The following RYR2 variants were observed in gnomAD, a reference collection of about 807,000 sequenced individuals.
The protein encoded by RYR2 is ryanodine receptor 2.
Under a neutral mutation model 601.1 loss-of-function variants are expected in RYR2, and 227 were observed. That is an observed-to-expected ratio of 0.38 (90% CI 0.34 to 0.42). RYR2 has a LOEUF of 0.42. RYR2 is among the 10% of genes least tolerant of loss of function. The probability of loss-of-function intolerance (pLI) is 1.00; values close to 1 mark genes in which losing one functional copy is unlikely to be tolerated. For synonymous variants in RYR2, 2,223 were observed against 2,175.1 expected (o/e 1.02, Z -0.61); for missense variants, 4,646 against 6,156.5 (o/e 0.75, Z 8.21).
rs1424437259 is a variant in RYR2, at chr1:237,733,765, G to A, written c.11091+9G>A. ...CAGATATTATGGCAAAGGTAAATAA[G>A]TATCCTTCCTGATTTTCATGTTTAA... On this transcript the variant is annotated intron_variant, in intron 79 of 104. Coordinates refer to ENST00000366574, the MANE Select transcript of RYR2 (RefSeq NM_001035.3). The A allele has an allele frequency of 1.9e-6, 3 of 1,562,416 alleles. No individual in the cohort carries two copies. The highest frequency in any genetic ancestry group is 1.4e-5 in the African/African-American group (1 of 73,946).
At chr1:237,599,677 G>C (rs1261315465) in intron 34 of RYR2, among the ~76,000 whole-genome samples, 1 of 151,902 alleles carries the variant, frequency 6.6e-6, no homozygotes, top group African/African-American at 2.4e-5. Context: ...AAAAAAATTA[G>C]CCGGGCATGG....
At position 237,634,886 on chromosome 1, in the gene RYR2, T is replaced by C; in HGVS notation, c.6689-3T>C. ...TATATTTCATCTTCATTTGAATTAA[T>C]AGCCTCCCCAGCTATGAGAGGTTCA... On this transcript the variant is annotated splice_region_variant and splice_polypyrimidine_tract_variant and intron_variant, in intron 43 of 104. Coordinates refer to ENST00000366574, the MANE Select transcript of RYR2 (RefSeq NM_001035.3). 1 of 1,599,060 alleles carries C rather than the reference T, an allele frequency of 6.3e-7. No individual in the cohort carries two copies. Among genetic ancestry groups the C allele is most frequent in the Non-Finnish European group, 8.5e-7 (1 of 1,171,932 alleles).
At chr1:237,705,403 A>G in intron 67 of RYR2, 60 bp downstream of exon 67, 1 of 1,387,346 alleles carries the variant, frequency 7.2e-7, no homozygotes. Context: ...TATTTATCAT[A>G]TTGTCCAATA....
intron 1 of RYR2, among the ~76,000 whole-genome samples, chr1:237,105,693 A>G (rs1280289925): frequency 6.6e-6 from 1 of 152,058 alleles, no homozygotes; most frequent in Non-Finnish European, 1.5e-5. Context: ...TTAGCCAGCA[A>G]TACAAAAATT....
intron 3 of RYR2, among the ~76,000 whole-genome samples, chr1:237,347,834 A>T (rs559427844): frequency 6.6e-6 from 1 of 152,314 alleles, no homozygotes; most frequent in South Asian, 2.1e-4. Flanking sequence ...TTTAATCAGA[A>T]TATATTAAAT....
chr1:237,745,640 A>T (rs553725907), intron 80 of RYR2, among the ~76,000 whole-genome samples: 38 of 152,336 alleles, frequency 2.5e-4, no homozygotes, highest in African/African-American at 8.7e-4. Flanking sequence ...ATGGCATCTT[A>T]ATATTTAGAC....
chr1:237,512,600 T>C (rs1403415256), intron 24 of RYR2, among the ~76,000 whole-genome samples: 6 of 152,220 alleles, frequency 3.9e-5, no homozygotes, highest in Admixed American at 3.9e-4. Flanking sequence ...CAGCTGGGCA[T>C]AGTGACTCGT....
chr1:237,720,184 T>A (rs114565811), intron 73 of RYR2, among the ~76,000 whole-genome samples: 3,338 of 152,312 alleles, frequency 0.022, 138 homozygotes, highest in African/African-American at 0.075. Flanking sequence ...GTATTTTGAC[T>A]CAGCCTGTTG....
intron 25 of RYR2, among the ~76,000 whole-genome samples, chr1:237,536,785 C>T (rs1349793076): frequency 6.9e-6 from 1 of 145,734 alleles, no homozygotes; most frequent in Non-Finnish European, 1.5e-5. Context: ...ACTAGGGAGG[C>T]TGAGGCAGGA....
At chr1:237,552,066 T>C (rs1377103347) in intron 27 of RYR2, among the ~76,000 whole-genome samples, 2 of 152,214 alleles carry the variant, frequency 1.3e-5, no homozygotes, top group Non-Finnish European at 2.9e-5. Flanking sequence ...ATGACGTATC[T>C]ACTTGTTAAC....
chr1:237,578,178 GA>G (rs1673477481), intron 29 of RYR2, among the ~76,000 whole-genome samples: 1 of 152,104 alleles, frequency 6.6e-6, no homozygotes. Flanking sequence ...AAGAAGAGGA[GA>G]AATTGATGAT....
At chr1:237,364,857 G>A (rs377357667) in intron 5 of RYR2, among the ~76,000 whole-genome samples, 3 of 152,236 alleles carry the variant, frequency 2.0e-5, no homozygotes, top group East Asian at 3.9e-4. Flanking sequence ...TGGGAAATTA[G>A]GGGAGGCACC....
intron 1 of RYR2, among the ~76,000 whole-genome samples, chr1:237,246,214 GCCT>G (rs1427211089): frequency 1.3e-5 from 2 of 152,114 alleles, no homozygotes; most frequent in African/African-American, 2.4e-5. Context: ...TCCTGCCTCA[GCCT>G]CCCAAGTAGC....
intron 29 of RYR2, among the ~76,000 whole-genome samples, chr1:237,574,693 A>G (rs1266402911): frequency 6.6e-6 from 1 of 152,164 alleles, no homozygotes. Context: ...GCTGCTTCTG[A>G]GAACTGAGAA....
intron 11 of RYR2, among the ~76,000 whole-genome samples, chr1:237,422,413 TATC>T (rs1705690022): frequency 6.6e-6 from 1 of 152,188 alleles, no homozygotes; most frequent in South Asian, 2.1e-4. Context: ...GATCATAACT[TATC>T]ATTTTACTGA....
At chr1:237,778,067 C>T (rs1220844512) in intron 87 of RYR2, among the ~76,000 whole-genome samples, 1 of 152,146 alleles carries the variant, frequency 6.6e-6, no homozygotes, top group East Asian at 1.9e-4. Context: ...CCTAATGACT[C>T]CCAATTAGTT....
intron 24 of RYR2, among the ~76,000 whole-genome samples, chr1:237,515,674 TC>T: frequency 8.4e-6 from 1 of 119,250 alleles, no homozygotes; most frequent in East Asian, 2.6e-4. Context: ...TCCCTTTTTT[TC>T]CTTCCTTCCT....
chr1:237,070,653 C>T (rs1664204997), intron 1 of RYR2, among the ~76,000 whole-genome samples: 2 of 152,206 alleles, frequency 1.3e-5, no homozygotes, highest in South Asian at 4.1e-4. Context: ...CTGCCAAGGG[C>T]AAGCCAGGTG....
At chr1:237,430,438 TTAAA>T (rs1271534863) in intron 12 of RYR2, among the ~76,000 whole-genome samples, 21 of 152,190 alleles carry the variant, frequency 1.4e-4, no homozygotes, top group Non-Finnish European at 1.0e-4. Context: ...ATTTTTGTAA[TTAAA>T]AAGAAATCTT....
Sources: gnomAD v4.1 joint callset for allele counts (sites outside exome capture counted in the v4.1 genomes callset) on GRCh38, gnomAD v4.1.1 for gene constraint, MANE v1.5 for transcripts, NCBI Gene and HGNC (gene_info 2026-07-23, HGNC 2026-07-21) for gene names.